RAPGEF1: variants seen among roughly 807,000 people sequenced by gnomAD.
RAPGEF1 encodes CRK SH3-binding GNRP.
A neutral mutation model predicts 143.3 loss-of-function variants in RAPGEF1; 33 were observed. The observed-to-expected ratio is 0.23, with a 90% CI of 0.17 to 0.31. The LOEUF (loss-of-function observed/expected upper bound fraction) is 0.31, where lower values mean the gene tolerates loss of function less well. Among genes scored for constraint, RAPGEF1 ranks in the 10% least tolerant of loss-of-function variants. The pLI is 1.00. For missense variants in RAPGEF1, 1,199 were observed against 1,645.4 expected, an observed-to-expected ratio of 0.73 and a Z score of 4.69; for synonymous variants, 629 against 676.5, an observed-to-expected ratio of 0.93 and a Z score of 1.09.
chr9:131,703,048 C>T (rs1834779084), intron 1 of RAPGEF1, among the ~76,000 whole-genome samples: 1 of 152,222 alleles, frequency 6.6e-6, no homozygotes, highest in Non-Finnish European at 1.5e-5. Flanking sequence ...CATTTTAAGA[C>T]AGGGTCTCAG....
chr9:131,624,782 T>A (rs1962429395), intron 10 of RAPGEF1, among the ~76,000 whole-genome samples: 2 of 152,226 alleles, frequency 1.3e-5, no homozygotes. Flanking sequence ...TGGTTTCTGA[T>A]GAGCAAATAT....
At chr9:131,657,698 G>T (rs1972857957) in intron 1 of RAPGEF1, among the ~76,000 whole-genome samples, 1 of 152,160 alleles carries the variant, frequency 6.6e-6, no homozygotes, top group Non-Finnish European at 1.5e-5. Context: ...AGCCCCTGGG[G>T]CTGGTGACTG....
chr9:131,707,444 G>T lies in RAPGEF1; in HGVS notation c.61+32326C>A, dbSNP rs74752674. ...TTTGCTGAACCTGTTTTTTTATTTTGATTTTTTCTTTTTTGAAACAGAGGC... is the reference window on the plus strand; with the variant it reads ...TTTGCTGAACCTGTTTTTTTATTTTTATTTTTTCTTTTTTGAAACAGAGGC... On this transcript the variant is annotated intron_variant, in intron 1 of 26. Transcript: ENST00000683357. 3.9e-3 allele frequency among the ~76,000 whole-genome samples: 597 copies of T among 151,862 alleles called. 7 individuals carry two copies. Among genetic ancestry groups the T allele is most frequent in the African/African-American group, 0.014 (571 of 41,408 alleles).
chr9:131,603,977 A>G lies in RAPGEF1; in HGVS notation c.2396T>C (p.Leu799Pro), dbSNP rs1285446548. The change falls in exon 14 of 27, where the codon CTG becomes CCG. Residue 799 changes from leucine to proline, a missense_variant. Around this residue, in one of 6 missense-constraint regions of RAPGEF1, gnomAD observed 293 missense variants for 356.2 expected, o/e 0.82. Coordinates refer to ENST00000683357, the MANE Select transcript of RAPGEF1 (RefSeq NM_001377935.1). Reference sequence around the variant, plus strand: ...GTTACTTACTCCTCGAGAGGGAGCCAGCTCCTCGCTGCTCTGGCCAGAGGA... The same window carrying G: ...GTTACTTACTCCTCGAGAGGGAGCCGGCTCCTCGCTGCTCTGGCCAGAGGA... ...LYSSGQSSEE[L>P]APSRGEPPAG... 17 of 1,330,412 alleles carry G rather than the reference A, an allele frequency of 1.3e-5. No individual in the cohort carries two copies. The highest frequency in any genetic ancestry group is 1.6e-5 in the Non-Finnish European group (16 of 1,001,964). The allele number at this position is 1,330,412 out of a possible 1,614,324, so 82.4% of individuals were successfully genotyped here. A position where few individuals can be genotyped will look rare whatever the true frequency, so the allele number is the denominator to read the frequency against.
intron 1 of RAPGEF1, among the ~76,000 whole-genome samples, chr9:131,728,347 T>C (rs1457414086): frequency 6.6e-6 from 1 of 152,176 alleles, no homozygotes; most frequent in African/African-American, 2.4e-5. Flanking sequence ...ACGAAGATGA[T>C]TTAATTAATC....
intron 19 of RAPGEF1, 28 bp from the exon 20 acceptor site, chr9:131,589,014 G>C: frequency 6.2e-7 from 1 of 1,603,300 alleles, no homozygotes; most frequent in South Asian, 1.1e-5. Context: ...ACAAGGTGAG[G>C]AGCAGGAACG....
At chr9:131,630,813 G>A (rs1964639812) in intron 5 of RAPGEF1, among the ~76,000 whole-genome samples, 1 of 152,126 alleles carries the variant, frequency 6.6e-6, no homozygotes, top group African/African-American at 2.4e-5. Context: ...CTTGTCAATG[G>A]AGAGGGAGTT....
chr9:131,663,453 CTTTTTTT>C (rs57688948), intron 1 of RAPGEF1, among the ~76,000 whole-genome samples: 9 of 141,404 alleles, frequency 6.4e-5, no homozygotes, highest in South Asian at 2.2e-4. Flanking sequence ...TTCTCTATAG[CTTTTTTT>C]TTTTTTTTTT....
At chr9:131,602,394 C>A (rs904768127) in intron 14 of RAPGEF1, among the ~76,000 whole-genome samples, 5 of 152,218 alleles carry the variant, frequency 3.3e-5, no homozygotes, top group Non-Finnish European at 7.3e-5. Context: ...CCAACCTAGG[C>A]AAAGCCACCT....
chr9:131,600,100 A>G (rs967290820), intron 15 of RAPGEF1, among the ~76,000 whole-genome samples: 1 of 151,880 alleles, frequency 6.6e-6, no homozygotes, highest in Non-Finnish European at 1.5e-5. Context: ...TAGGTGACAG[A>G]GTGAGACTCT....
intron 12 of RAPGEF1, among the ~76,000 whole-genome samples, chr9:131,605,925 T>C (rs1232471275): frequency 6.6e-6 from 1 of 151,958 alleles, no homozygotes; most frequent in Non-Finnish European, 1.5e-5. Flanking sequence ...AATACAAAAA[T>C]GAGCTGGGGG....
chr9:131,630,850 C>T (rs1964646848), intron 5 of RAPGEF1, among the ~76,000 whole-genome samples: 1 of 151,782 alleles, frequency 6.6e-6, no homozygotes, highest in African/African-American at 2.4e-5. Flanking sequence ...GCAAAGAAAT[C>T]ACTTTAGAAC....
chr9:131,653,689 T>C (rs1433783365), intron 1 of RAPGEF1, among the ~76,000 whole-genome samples: 1 of 152,244 alleles, frequency 6.6e-6, no homozygotes, highest in Non-Finnish European at 1.5e-5. Context: ...GAATGTAACA[T>C]GGTTTCTCTG....
intron 12 of RAPGEF1, among the ~76,000 whole-genome samples, chr9:131,607,318 T>C (rs1027233914): frequency 3.3e-5 from 5 of 152,114 alleles, no homozygotes; most frequent in Non-Finnish European, 7.4e-5. Context: ...CACCCTGGCT[T>C]GCCGCCCTCA....
chr9:131,586,370 A>ACCCC (rs1564453032), intron 22 of RAPGEF1, among the ~76,000 whole-genome samples: 3 of 125,288 alleles, frequency 2.4e-5, no homozygotes, highest in African/African-American at 9.3e-5. Flanking sequence ...ACACACACAC[A>ACCCC]CACCCACCTG....
At chr9:131,737,511 C>T (rs1837496673) in intron 1 of RAPGEF1, 1 of 1,612,972 alleles carries the variant, frequency 6.2e-7, no homozygotes, top group Non-Finnish European at 8.5e-7. Context: ...TCTACAACCC[C>T]CTAGCAGAAG....
intron 6 of RAPGEF1, among the ~76,000 whole-genome samples, chr9:131,629,679 T>C (rs1964319730): frequency 6.6e-6 from 1 of 151,952 alleles, no homozygotes; most frequent in Non-Finnish European, 1.5e-5. Context: ...TAGTCCCAAC[T>C]ACTTGAAAGG....
rs891526764 is a variant in RAPGEF1 at position 131,659,967 on chromosome 9, C to T, written c.62-9018G>A. ...CTGAGTAGCTGGAACTACAGGCGCC[C>T]GCCACCACGCCCGGCTAATTTTTTG... On this transcript the variant is annotated intron_variant, in intron 1 of 26. Coordinates refer to ENST00000683357, the MANE Select transcript of RAPGEF1 (RefSeq NM_001377935.1). Among the ~76,000 whole-genome samples, 14 of 152,186 alleles carry T rather than the reference C, an allele frequency of 9.2e-5. 1 individual carries two copies. The highest frequency in any genetic ancestry group is 2.9e-4 in the African/African-American group (12 of 41,522).
chr9:131,675,014 G>T lies in RAPGEF1; in HGVS notation c.62-24065C>A, dbSNP rs1412967379. The stretch of plus-strand genomic sequence containing the variant: ...CTGGGATGTGCAGGGACACTGGGGG[G>T]TTCTGGAGGAGCAGCTGGGAGGGAG... On this transcript the variant is annotated intron_variant, in intron 1 of 26. Coordinates refer to ENST00000683357, the MANE Select transcript of RAPGEF1 (RefSeq NM_001377935.1). The surrounding 1 kb of genome is among the most constrained non-coding windows in gnomAD (Gnocchi z 4.6). 6.6e-6 allele frequency among the ~76,000 whole-genome samples: 1 copy of T among 152,160 alleles called. No individual in the cohort carries two copies. Among genetic ancestry groups the T allele is most frequent in the Non-Finnish European group, 1.5e-5 (1 of 68,022 alleles).
Sources: gnomAD v4.1 joint callset for allele counts (sites outside exome capture counted in the v4.1 genomes callset) on GRCh38, gnomAD v4.1.1 for gene constraint, gnomAD v4.1.1 regional missense constraint, Gnocchi (gnomAD v3.1) non-coding constraint, MANE v1.5 for transcripts, NCBI Gene and HGNC (gene_info 2026-07-23, HGNC 2026-07-21) for gene names.